The following LMNTD1 variants were observed in gnomAD, a reference collection of about 807,000 sequenced individuals.
LMNTD1 encodes the protein lamin tail domain-containing protein 1.
LMNTD1 carries 35 observed loss-of-function variants against 50.9 expected under a neutral mutation model. That is an observed-to-expected ratio of 0.69 (90% CI 0.53 to 0.91). LMNTD1 has a LOEUF of 0.91. Among genes scored for constraint, LMNTD1 ranks in the 40% least tolerant of loss-of-function variants. LMNTD1 has a pLI of 0.00. For synonymous variants in LMNTD1, 153 were observed against 161.9 expected, an observed-to-expected ratio of 0.94 and a Z score of 0.42; for missense variants, 470 against 475.5, an observed-to-expected ratio of 0.99 and a Z score of 0.11.
At chr12:25,612,172 A>G (rs1378565844) in intron 1 of LMNTD1, among the ~76,000 whole-genome samples, 1 of 152,186 alleles carries the variant, frequency 6.6e-6, no homozygotes, top group Non-Finnish European at 1.5e-5. Context: ...GAGATAGCAA[A>G]ATTAAATTTT....
intron 1 of LMNTD1, among the ~76,000 whole-genome samples, chr12:25,563,529 G>A (rs1944423289): frequency 1.3e-5 from 2 of 152,178 alleles, no homozygotes; most frequent in South Asian, 2.1e-4. Context: ...GGGGCACCCG[G>A]CTGTATGAGG....
At chr12:25,550,617 T>C (rs1430285541) in intron 2 of LMNTD1, among the ~76,000 whole-genome samples, 1 of 152,186 alleles carries the variant, frequency 6.6e-6, no homozygotes, top group Non-Finnish European at 1.5e-5. Context: ...AAGATTATGT[T>C]AGCCAACCTC....
intron 1 of LMNTD1, among the ~76,000 whole-genome samples, chr12:25,579,108 A>T (rs924870760): frequency 6.6e-6 from 1 of 152,196 alleles, no homozygotes; most frequent in Non-Finnish European, 1.5e-5. Context: ...TTTAGTTTTC[A>T]AGTTTCTCCT....
chr12:25,610,288 G>T (rs1453277824), intron 1 of LMNTD1, among the ~76,000 whole-genome samples: 1 of 152,138 alleles, frequency 6.6e-6, no homozygotes, highest in Non-Finnish European at 1.5e-5. Context: ...GGCCCCTTGT[G>T]CTTCCTGGGT....
intron 1 of LMNTD1, among the ~76,000 whole-genome samples, chr12:25,645,069 C>T (rs190723018): frequency 3.3e-5 from 5 of 152,230 alleles, no homozygotes; most frequent in Admixed American, 2.0e-4. Flanking sequence ...AGGACTCTTT[C>T]GCAGTACTAA....
At chr12:25,566,222 A>T (rs926717842) in intron 1 of LMNTD1, among the ~76,000 whole-genome samples, 2 of 151,796 alleles carry the variant, frequency 1.3e-5, no homozygotes, top group Non-Finnish European at 2.9e-5. Flanking sequence ...GAGGCCAATA[A>T]CTCTTAGAAT....
At chr12:25,623,581 A>T (rs6487497) in intron 1 of LMNTD1, among the ~76,000 whole-genome samples, 2 of 137,568 alleles carry the variant, frequency 1.5e-5, no homozygotes, top group African/African-American at 2.8e-5. Context: ...AAAAAAAAAA[A>T]GGAGAGAAAG....
chr12:25,535,632 AG>A (rs1942527638), intron 4 of LMNTD1, among the ~76,000 whole-genome samples: 1 of 152,110 alleles, frequency 6.6e-6, no homozygotes, highest in Non-Finnish European at 1.5e-5. Context: ...TTTAGACAAA[AG>A]TAGTAGAGCA....
At chr12:25,563,648 G>C (rs1003223296) in intron 1 of LMNTD1, among the ~76,000 whole-genome samples, 1 of 152,198 alleles carries the variant, frequency 6.6e-6, no homozygotes, top group Admixed American at 6.5e-5. Context: ...TCCATGCTGG[G>C]AGAACCACTA....
chr12:25,544,290 C>A (rs959230184), intron 4 of LMNTD1, among the ~76,000 whole-genome samples: 5 of 151,756 alleles, frequency 3.3e-5, no homozygotes, highest in African/African-American at 1.2e-4. Context: ...TATCTTCTTG[C>A]TGAATTGACC....
At chr12:25,596,718 G>A (rs1450502645) in intron 1 of LMNTD1, among the ~76,000 whole-genome samples, 1 of 151,984 alleles carries the variant, frequency 6.6e-6, no homozygotes, top group Non-Finnish European at 1.5e-5. Flanking sequence ...GAAATCATCT[G>A]AAGATAAAAA....
At chr12:25,546,134 A>C (rs1943413961) in intron 4 of LMNTD1, among the ~76,000 whole-genome samples, 1 of 151,708 alleles carries the variant, frequency 6.6e-6, no homozygotes, top group African/African-American at 2.4e-5. Flanking sequence ...CTATTAGTAA[A>C]GATTATGTAG....
chr12:25,612,905 G>T (rs184388042), intron 1 of LMNTD1, among the ~76,000 whole-genome samples: 31 of 152,186 alleles, frequency 2.0e-4, no homozygotes, highest in Admixed American at 3.9e-4. Context: ...TATCTGAGTG[G>T]GTCCTGTGAT....
chr12:25,560,384 T>C (rs1944250954), intron 1 of LMNTD1, among the ~76,000 whole-genome samples: 1 of 152,204 alleles, frequency 6.6e-6, no homozygotes, highest in Admixed American at 6.5e-5. Context: ...AGAGCTCTGT[T>C]CTGTTCCATT....
At chr12:25,575,621 T>C (rs1944975981) in intron 1 of LMNTD1, among the ~76,000 whole-genome samples, 1 of 152,124 alleles carries the variant, frequency 6.6e-6, no homozygotes, top group Admixed American at 6.5e-5. Context: ...TCTGCTTCTT[T>C]GACATTTTAA....
chr12:25,624,255 T>TA (rs1470057973), intron 1 of LMNTD1, among the ~76,000 whole-genome samples: 2 of 152,228 alleles, frequency 1.3e-5, no homozygotes, highest in Non-Finnish European at 2.9e-5. Flanking sequence ...ATCTTTGAGT[T>TA]AAAATAATCC....
chr12:25,623,764 T>C (rs1158188128), intron 1 of LMNTD1, among the ~76,000 whole-genome samples: 1 of 152,118 alleles, frequency 6.6e-6, no homozygotes. Context: ...GGCCAACAGA[T>C]GCTAAAAACA....
intron 6 of LMNTD1, among the ~76,000 whole-genome samples, chr12:25,520,744 T>C (rs1262128634): frequency 1.3e-5 from 2 of 152,176 alleles, no homozygotes; most frequent in Non-Finnish European, 2.9e-5. Flanking sequence ...GGTTGTATGG[T>C]AGCTCTACTT....
At chr12:25,486,848 A>G (rs1204818178) in intron 9 of LMNTD1, among the ~76,000 whole-genome samples, 1 of 151,430 alleles carries the variant, frequency 6.6e-6, no homozygotes, top group Non-Finnish European at 1.5e-5. Flanking sequence ...CATGCCAGGG[A>G]TGAAGCCCAC....
Sources: gnomAD v4.1 joint callset for allele counts (sites outside exome capture counted in the v4.1 genomes callset) on GRCh38, gnomAD v4.1.1 for gene constraint, MANE v1.5 for transcripts, NCBI Gene and HGNC (gene_info 2026-07-23, HGNC 2026-07-21) for gene names.